ERICH2: variants seen among roughly 807,000 people sequenced by gnomAD.
The protein encoded by ERICH2 is glutamate rich 2, also known as glutamate-rich protein 2.
ERICH2 carries 17 observed loss-of-function variants against 17.4 expected under a neutral mutation model. The observed-to-expected ratio is 0.98, with a 90% CI of 0.67 to 1.47. The LOEUF is 1.47. ERICH2 is among the 40% of genes most tolerant of loss of function. The probability of loss-of-function intolerance (pLI) is 0.00; values close to 1 mark genes in which losing one functional copy is unlikely to be tolerated. For missense variants in ERICH2, 186 were observed against 183.2 expected, an observed-to-expected ratio of 1.01 and a Z score of -0.09; for synonymous variants, 51 against 61.1, an observed-to-expected ratio of 0.83 and a Z score of 0.77.
At chr2:170,792,677 G>T (rs542070064) in intron 2 of ERICH2, among the ~76,000 whole-genome samples, 186 bp from the exon 8 acceptor site, 38 of 152,186 alleles carry the variant, frequency 2.5e-4, no homozygotes, top group Non-Finnish European at 4.6e-4. Flanking sequence ...ACCCCATGTG[G>T]CTTTGCCATC....
rs186094960 is a variant in ERICH2, at chr2:170,788,054, T to G, written c.216+3221T>G. The stretch of plus-strand genomic sequence containing the variant: ...TATGTACTTCTCTTCTTAGATAATT[T>G]AATTGCTAGCCATGGAATAATATAA... On this transcript the variant is annotated intron_variant, in intron 2 of 4. Transcript: ENST00000409885. Among the ~76,000 whole-genome samples the G allele has an allele frequency of 3.4e-3, 516 of 152,346 alleles. 6 individuals carry two copies. Among genetic ancestry groups the G allele is most frequent in the African/African-American group, 0.012 (487 of 41,584 alleles).
At chr2:170,785,753 A>G (rs1050885256) in intron 2 of ERICH2, among the ~76,000 whole-genome samples, 3 of 152,264 alleles carry the variant, frequency 2.0e-5, no homozygotes. Flanking sequence ...TGTTAAAACA[A>G]GAGAAGGCAT....
the ERICH2 span, chr2:170,771,056 T>G: frequency 6.9e-6 from 1 of 145,324 alleles, no homozygotes; most frequent in Non-Finnish European, 1.5e-5. This position sits in a 1 kb window ranked among gnomAD's most constrained non-coding sequence, Gnocchi z 4.8. Context: ...CCGAGCTTCC[T>G]CCACGCGCCG....
At chr2:170,779,438 G>A (rs1187407665), upstream of ERICH2, among the ~76,000 whole-genome samples, 1 of 152,078 alleles carries the variant, frequency 6.6e-6, no homozygotes. Context: ...AAACTTCTGG[G>A]CACACAAATG....
chr2:170,774,564 C>CTTCTTTTTTTTTTTT, the ERICH2 span, among the ~76,000 whole-genome samples: 38 of 98,554 alleles, frequency 3.9e-4, 1 homozygote, highest in Middle Eastern at 4.5e-3. Flanking sequence ...AGAGCCCCAT[C>CTTCTTTTTTTTTTTT]TTTTTTTTTT....
the ERICH2 span, among the ~76,000 whole-genome samples, chr2:170,774,954 C>A: frequency 4.6e-5 from 7 of 152,056 alleles, no homozygotes; most frequent in Non-Finnish European, 1.0e-4. Context: ...TGGACATTTC[C>A]TAGCTAATGA....
intron 3 of ERICH2, among the ~76,000 whole-genome samples, chr2:170,795,385 T>C (rs531919770): frequency 2.2e-4 from 33 of 152,292 alleles, no homozygotes; most frequent in African/African-American, 7.9e-4. Context: ...TCTCACTCTG[T>C]CACCCAGGCT....
chr2:170,783,636 G>C (rs1342848613), upstream of ERICH2: 1 of 620,658 alleles, frequency 1.6e-6, no homozygotes, highest in Non-Finnish European at 2.8e-6. Flanking sequence ...TAAATAAACA[G>C]CTCCTGGAGA....
At chr2:170,792,763 G>C in intron 2 of ERICH2, 100 bp from the exon 8 acceptor site, 1 of 739,260 alleles carries the variant, frequency 1.4e-6, no homozygotes, top group Non-Finnish European at 2.2e-6. Flanking sequence ...ATGTGGAAGT[G>C]TTAAAAGCAA....
At chr2:170,795,622 C>T (rs1250510661) in intron 3 of ERICH2, among the ~76,000 whole-genome samples, 2 of 152,222 alleles carry the variant, frequency 1.3e-5, no homozygotes, top group Non-Finnish European at 2.9e-5. Context: ...GTTGGGATTA[C>T]AGGCATCAGC....
At chr2:170,793,693 T>C (rs1017650010) in intron 3 of ERICH2, among the ~76,000 whole-genome samples, 1 of 152,172 alleles carries the variant, frequency 6.6e-6, no homozygotes, top group African/African-American at 2.4e-5. Flanking sequence ...GTTGTCAGAT[T>C]GCATAGGCTC....
chr2:170,779,724 T>C (rs1216797945), upstream of ERICH2: 1 of 476,632 alleles, frequency 2.1e-6, no homozygotes. Context: ...TCTTACATAA[T>C]CACGTGTTTT....
the ERICH2 span, chr2:170,777,750 C>T: frequency 9.9e-7 from 1 of 1,015,118 alleles, no homozygotes; most frequent in Non-Finnish European, 1.3e-6. Context: ...CTAGATAATG[C>T]AGCCATTTGT....
upstream of ERICH2, chr2:170,783,677 A>G: frequency 9.8e-7 from 1 of 1,019,744 alleles, no homozygotes; most frequent in East Asian, 2.6e-5. Flanking sequence ...GGATCAGGAA[A>G]CTTCTCTCAT....
the ERICH2 span, among the ~76,000 whole-genome samples, chr2:170,772,333 A>C: frequency 6.6e-6 from 1 of 152,230 alleles, no homozygotes; most frequent in African/African-American, 2.4e-5. Context: ...TAACAATAGT[A>C]TAGGAGGAGG....
At chr2:170,782,220 T>A, upstream of ERICH2, 1 of 833,622 alleles carries the variant, frequency 1.2e-6, no homozygotes. Flanking sequence ...AGAAAATATT[T>A]TTTCACTGTC....
chr2:170,773,614 A>G, the ERICH2 span, among the ~76,000 whole-genome samples: 2 of 152,226 alleles, frequency 1.3e-5, no homozygotes, highest in Non-Finnish European at 2.9e-5. Context: ...CGTTTCACCT[A>G]TAAGATTCTG....
the ERICH2 span, chr2:170,777,976 C>T: frequency 6.5e-6 from 2 of 306,552 alleles, no homozygotes; most frequent in Non-Finnish European, 1.2e-5. Flanking sequence ...ATTGCTCATT[C>T]CTATTTCCCT....
At chr2:170,792,900 C>T (rs1701323747) in exon 3 of ERICH2, 1 of 1,508,306 alleles carries the variant, frequency 6.6e-7, no homozygotes, top group African/African-American at 1.4e-5. Context: ...TACCAGCTGG[C>T]AAAAAAATTA....
Sources: gnomAD v4.1 joint callset for allele counts (sites outside exome capture counted in the v4.1 genomes callset) on GRCh38, gnomAD v4.1.1 for gene constraint, Gnocchi (gnomAD v3.1) non-coding constraint, MANE v1.5 for transcripts, NCBI Gene and HGNC (gene_info 2026-07-23, HGNC 2026-07-21) for gene names.